NEMF: variants seen among roughly 807,000 people sequenced by gnomAD.
The protein encoded by NEMF is ribosome quality control complex subunit NEMF.
NEMF carries 89 observed loss-of-function variants against 162.2 expected under a neutral mutation model. That is an observed-to-expected ratio of 0.55 (90% CI 0.46 to 0.65). NEMF has a LOEUF of 0.65. Ranked by LOEUF, NEMF falls within the 30% of genes least tolerant of loss-of-function variation. The pLI is 0.00. For missense variants in NEMF, 1,133 were observed against 1,261.9 expected (o/e 0.90, Z 1.55); for synonymous variants, 421 against 404.5 (o/e 1.04, Z -0.49).
At chr14:49,806,223 ATGATATGTG>A in intron 18 of NEMF, 90 bp from the exon 19 acceptor site, 1 of 283,344 alleles carries the variant, frequency 3.5e-6, no homozygotes, top group East Asian at 8.2e-5. Context: ...GACAGGGTCA[ATGATATGTG>A]TATATATATA....
intron 4 of NEMF, 78 bp downstream of exon 4, chr14:49,846,062 C>T (rs893717655): frequency 4.9e-6 from 6 of 1,230,582 alleles, no homozygotes; most frequent in Non-Finnish European, 6.9e-6. Context: ...AAATGTTCCC[C>T]CACTCATGTT....
intron 23 of NEMF, 108 bp from the exon 24 acceptor site, chr14:49,799,786 AT>A: frequency 1.1e-6 from 1 of 916,744 alleles, no homozygotes; most frequent in Non-Finnish European, 1.7e-6. Context: ...AATCCAACAA[AT>A]TTTCAAATTT....
chr14:49,786,870 G>C (rs1890202490), intron 28 of NEMF, 120 bp from the exon 29 acceptor site: 1 of 839,540 alleles, frequency 1.2e-6, no homozygotes, highest in Non-Finnish European at 1.9e-6. Context: ...TGACCCACAG[G>C]ATAGGGGGCC....
intron 22 of NEMF, among the ~76,000 whole-genome samples, chr14:49,801,987 T>G (rs1201634863): frequency 6.6e-6 from 1 of 151,670 alleles, no homozygotes; most frequent in Non-Finnish European, 1.5e-5. Flanking sequence ...GGTCTCATTC[T>G]GTGGCCCAGG....
chr14:49,813,832 G>A (rs1394361498), intron 18 of NEMF, among the ~76,000 whole-genome samples, 156 bp downstream of exon 18: 1 of 151,902 alleles, frequency 6.6e-6, no homozygotes, highest in Non-Finnish European at 1.5e-5. Flanking sequence ...TCAAACTCCT[G>A]GCCTCAAATA....
At chr14:49,830,173 AATG>A (rs780739657) in intron 11 of NEMF, among the ~76,000 whole-genome samples, 44 of 152,268 alleles carry the variant, frequency 2.9e-4, no homozygotes, top group Admixed American at 6.5e-4. Flanking sequence ...TTTAGATAAG[AATG>A]ATGACTATTA....
Position 49,833,333 on chromosome 14 carries a change from AATGT to A in NEMF, c.735+86_735+89del. On this transcript the variant is annotated intron_variant, in intron 8 of 32. Transcript: ENST00000298310. ...ATAACAATTTTCCAAATTAAAATAA[AATGT>A]ATATATAATGATCCTTTAATGAACG... The A allele has an allele frequency of 4.4e-6, 3 of 683,610 alleles. No homozygotes were observed. The Admixed American group carries it at 8.6e-5, about 20-fold the overall frequency. 42.3% of individuals were successfully genotyped at this position (683,610 alleles called of 1,614,324 possible). A position where few individuals can be genotyped will look rare whatever the true frequency, so the allele number is the denominator to read the frequency against.
intron 1 of NEMF, among the ~76,000 whole-genome samples, chr14:49,852,268 C>T (rs1893815861): frequency 6.6e-6 from 1 of 152,230 alleles, no homozygotes. Context: ...CAGTCCAAAT[C>T]TGCTCAATCC....
At chr14:49,811,345 C>T (rs1336551953) in intron 18 of NEMF, among the ~76,000 whole-genome samples, 5 of 152,052 alleles carry the variant, frequency 3.3e-5, no homozygotes, top group Non-Finnish European at 7.4e-5. Context: ...CTGATAATTA[C>T]TGGTAGATTC....
At chr14:49,834,099 G>C in intron 7 of NEMF, 2 of 549,052 alleles carry the variant, frequency 3.6e-6, no homozygotes, top group Non-Finnish European at 6.9e-6. Context: ...TGTTTTTGTG[G>C]GGTTTTTTGA....
intron 11 of NEMF, 38 bp from the exon 12 acceptor site, chr14:49,829,464 T>C (rs766346419): frequency 2.6e-6 from 4 of 1,513,114 alleles, no homozygotes; most frequent in East Asian, 2.3e-5. Context: ...AAATTAGATT[T>C]CTCCTACCTC....
intron 18 of NEMF, among the ~76,000 whole-genome samples, chr14:49,812,868 T>G (rs538999682): frequency 6.6e-6 from 1 of 152,044 alleles, no homozygotes; most frequent in African/African-American, 2.4e-5. Context: ...TCTCAGCTCC[T>G]GGGTTCAAGC....
intron 6 of NEMF, among the ~76,000 whole-genome samples, chr14:49,837,636 G>C (rs1399410259): frequency 6.6e-6 from 1 of 151,996 alleles, no homozygotes; most frequent in Non-Finnish European, 1.5e-5. Context: ...TCATAAGAGA[G>C]GAAGAGTTAA....
At chr14:49,785,027 G>A (rs1479183131) in intron 31 of NEMF, 23 bp from the exon 32 acceptor site, 1 of 1,608,950 alleles carries the variant, frequency 6.2e-7, no homozygotes, top group South Asian at 1.1e-5. Context: ...AAAAGAGTAA[G>A]AATAATCTAC....
At chr14:49,818,736 A>T (rs1226049371) in intron 16 of NEMF, among the ~76,000 whole-genome samples, 1 of 152,122 alleles carries the variant, frequency 6.6e-6, no homozygotes, top group East Asian at 1.9e-4. Flanking sequence ...AAGTAAATGA[A>T]TTATGGATCC....
At chr14:49,799,197 G>A (rs1424904727) in intron 25 of NEMF, among the ~76,000 whole-genome samples, 2 of 72,078 alleles carry the variant, frequency 2.8e-5, no homozygotes, top group Non-Finnish European at 4.9e-5. Flanking sequence ...AACAAAGCGA[G>A]ACCCTGTTTC....
intron 14 of NEMF, 91 bp downstream of exon 14, chr14:49,828,525 C>T (rs1480191083): frequency 8.9e-7 from 1 of 1,126,280 alleles, no homozygotes; most frequent in Non-Finnish European, 1.3e-6. Flanking sequence ...TATGCATGTA[C>T]AAGTGAAATT....
intron 4 of NEMF, among the ~76,000 whole-genome samples, chr14:49,845,092 AG>A (rs1893430248): frequency 6.1e-5 from 9 of 148,542 alleles, no homozygotes; most frequent in African/African-American, 2.0e-4. Context: ...TTAGTTAGTT[AG>A]TTAGTTAGTT....
chr14:49,797,153 AG>A (rs945921277), intron 25 of NEMF, among the ~76,000 whole-genome samples: 51 of 152,320 alleles, frequency 3.3e-4, no homozygotes, highest in African/African-American at 1.1e-3. Flanking sequence ...CTATGTGCTC[AG>A]AATTCTCTGT....
Sources: gnomAD v4.1 joint callset for allele counts (sites outside exome capture counted in the v4.1 genomes callset) on GRCh38, gnomAD v4.1.1 for gene constraint, MANE v1.5 for transcripts, NCBI Gene and HGNC (gene_info 2026-07-23, HGNC 2026-07-21) for gene names.